GLDC: variants seen among roughly 807,000 people sequenced by gnomAD.
GLDC encodes glycine dehydrogenase (decarboxylating), mitochondrial.
Under a neutral mutation model 121.3 loss-of-function variants are expected in GLDC, and 104 were observed. The ratio of observed to expected loss-of-function variants is 0.86; its 90% CI spans 0.73 to 1.01. The LOEUF is 1.01. Ranked by LOEUF, GLDC falls within the 50% of genes least tolerant of loss-of-function variation. The pLI is 0.00. For synonymous variants in GLDC, 546 were observed against 480.6 expected, an observed-to-expected ratio of 1.14 and a Z score of -1.78; for missense variants, 1,429 against 1,306.6, an observed-to-expected ratio of 1.09 and a Z score of -1.44.
intron 2 of GLDC, among the ~76,000 whole-genome samples, chr9:6,621,638 C>T (rs1819096253): frequency 6.6e-6 from 1 of 152,136 alleles, no homozygotes; most frequent in South Asian, 2.1e-4. Flanking sequence ...CTGCCTCAGC[C>T]TCCTGAGTAG....
chr9:6,589,099 C>A, intron 12 of GLDC, 96 bp downstream of exon 12: 1 of 818,572 alleles, frequency 1.2e-6, no homozygotes, highest in Admixed American at 1.7e-5. Context: ...CCAGAATAAC[C>A]AGGCCACAGC....
At chr9:6,628,008 G>A (rs1341168490) in intron 2 of GLDC, among the ~76,000 whole-genome samples, 1 of 152,144 alleles carries the variant, frequency 6.6e-6, no homozygotes, top group African/African-American at 2.4e-5. Flanking sequence ...AAGGAGAGAA[G>A]ACAGAAAAGT....
intron 2 of GLDC, among the ~76,000 whole-genome samples, chr9:6,643,150 G>C (rs1819662238): frequency 6.6e-6 from 1 of 151,906 alleles, no homozygotes; most frequent in Non-Finnish European, 1.5e-5. Context: ...CACCTGCCTA[G>C]ACCTCCCAAA....
At position 6,620,192 on chromosome 9, in the gene GLDC, G is replaced by A. The variant is rs1328107891; in HGVS notation, c.462C>T (p.Asn154=). Residue 154 remains asparagine (N), a synonymous_variant, in exon 3 of 25, where the codon AAC becomes AAT. Coordinates refer to ENST00000321612, the MANE Select transcript of GLDC (RefSeq NM_000170.3). Reference sequence around the variant, plus strand: ...ACTGAGAAATACATTACCATCCTGAGTTCTCCAGTAAGTTCCGCAAAATCG... The same window carrying A: ...ACTGAGAAATACATTACCATCCTGAATTCTCCAGTAAGTTCCGCAAAATCG... ...PQTILRNLLE[N]SGWITQYTPY... is the part of the protein sequence containing the mutation. The A allele has an allele frequency of 6.2e-7, 1 of 1,612,670 alleles. No homozygotes were observed. The highest frequency in any genetic ancestry group is 8.5e-7 in the Non-Finnish European group (1 of 1,179,778).
chr9:6,643,921 C>T (rs1819679488), intron 2 of GLDC, among the ~76,000 whole-genome samples: 2 of 146,448 alleles, frequency 1.4e-5, no homozygotes, highest in African/African-American at 5.1e-5. Flanking sequence ...GTAATCCCAG[C>T]TAGTCAAGAG....
Position 6,540,097 on chromosome 9 carries a change from A to G in GLDC, c.2619T>C (p.Ser873=). The G allele has an allele frequency of 6.2e-7, 1 of 1,613,782 alleles. No individual in the cohort carries two copies. The highest frequency in any genetic ancestry group is 8.5e-7 in the Non-Finnish European group (1 of 1,179,660). Residue 873 remains serine (S), a synonymous_variant, in exon 22 of 25, where the codon TCT becomes TCC. Transcript: ENST00000321612. The stretch of plus-strand genomic sequence containing the variant: ...CCACATCCACAGCCTCAATATTTGC[A>G]GACTTTTTGAAGGGTCTCGTGTCCA... ...FILDTRPFKK[S]ANIEAVDVAK... is the part of the protein sequence containing the mutation.
rs1473355761 is a variant in GLDC, at chr9:6,610,359, G to A, written c.471-3C>T. Reference sequence around the variant, plus strand: ...GGTATGGAGTATACTGGGTGATCCTGCAAGGGAAACAAAAGGTCTTGTCCA... The same window carrying A: ...GGTATGGAGTATACTGGGTGATCCTACAAGGGAAACAAAAGGTCTTGTCCA... On this transcript the variant is annotated splice_polypyrimidine_tract_variant and splice_region_variant and intron_variant, in intron 3 of 24. Transcript: ENST00000321612. 2 of 1,613,840 alleles carry A rather than the reference G, an allele frequency of 1.2e-6. No individual in the cohort carries two copies. The highest frequency in any genetic ancestry group is 1.1e-5 in the South Asian group (1 of 91,044).
intron 2 of GLDC, chr9:6,622,805 C>T (rs1587974863): frequency 1.7e-5 from 4 of 229,970 alleles, no homozygotes; most frequent in South Asian, 1.4e-4. Flanking sequence ...AGGAGCGCCT[C>T]TTCCGGGCCG....
chr9:6,539,157 ATAT>A (rs1181267183), intron 22 of GLDC, among the ~76,000 whole-genome samples: 5 of 152,092 alleles, frequency 3.3e-5, no homozygotes, highest in Non-Finnish European at 7.3e-5. Context: ...AAGATCCTTG[ATAT>A]TATTATCATT....
chr9:6,574,908 A>G (rs1311027517), intron 15 of GLDC, among the ~76,000 whole-genome samples: 1 of 152,258 alleles, frequency 6.6e-6, no homozygotes, highest in Non-Finnish European at 1.5e-5. Context: ...CCCTCCCTGC[A>G]CTAAATTATT....
intron 16 of GLDC, among the ~76,000 whole-genome samples, chr9:6,563,454 C>T (rs946152415): frequency 6.6e-6 from 1 of 152,186 alleles, no homozygotes; most frequent in African/African-American, 2.4e-5. Flanking sequence ...CCAGCATCCC[C>T]AGGCTCCTGG....
At chr9:6,557,171 C>T (rs1383944686) in intron 17 of GLDC, among the ~76,000 whole-genome samples, 2 of 151,922 alleles carry the variant, frequency 1.3e-5, no homozygotes, top group African/African-American at 2.4e-5. Flanking sequence ...AACGTTCCCT[C>T]AACACAAAGA....
At chr9:6,559,725 G>T (rs1817711972) in intron 16 of GLDC, among the ~76,000 whole-genome samples, 2 of 151,354 alleles carry the variant, frequency 1.3e-5, no homozygotes, top group East Asian at 1.9e-4. Flanking sequence ...TGAGACAGAA[G>T]ATTCGCTTGA....
At position 6,589,203 on chromosome 9, in the gene GLDC, C is replaced by T. The variant is rs373679781; in HGVS notation, c.1572G>A (p.Val524=). The change falls in exon 12 of 25, where the codon GTG becomes GTA. Residue 524 remains valine (V), a synonymous_variant. Transcript: ENST00000321612. ...KRTSPFLTHQ[V]FNSYHSETNI... ...ACACAAGACACACAAACCTGTTGAACACTTGATGGGTGAGGAACGGGCTGG... is the reference window on the plus strand; with the variant it reads ...ACACAAGACACACAAACCTGTTGAATACTTGATGGGTGAGGAACGGGCTGG... 3 of 1,589,166 alleles carry T rather than the reference C, an allele frequency of 1.9e-6. No individual in the cohort carries two copies. Among genetic ancestry groups the T allele is most frequent in the Non-Finnish European group, 2.6e-6 (3 of 1,157,400 alleles).
In GLDC at chr9:6,604,672, C is replaced by G; in HGVS notation, c.974G>C (p.Gly325Ala). The change falls in exon 7 of 25, where the codon GGC (glycine) becomes GCC (alanine). Residue 325 changes from glycine to alanine, a missense_variant. By Grantham distance (60) the Gly-to-Ala change is moderately conservative. Transcript: ENST00000321612. ...AAATGCTGCATGGGGTCCCCCATAG[C>G]CCAGTGGCACTCCAAATCTCTGGGA... ...GSSQRFGVPLGYGGPHAAFFA... is the reference protein window; with the variant it reads ...GSSQRFGVPLAYGGPHAAFFA... The G allele has an allele frequency of 6.2e-7, 1 of 1,614,100 alleles. No individual in the cohort carries two copies. The highest frequency in any genetic ancestry group is 1.1e-5 in the South Asian group (1 of 91,074).
chr9:6,610,380 G>C (rs1237543144), intron 3 of GLDC, 24 bp from the exon 4 acceptor site: 1 of 1,612,716 alleles, frequency 6.2e-7, no homozygotes, highest in East Asian at 2.2e-5. Context: ...AAAAGGTCTT[G>C]TCCAAACTGA....
At chr9:6,546,752 AG>A (rs1401105455) in intron 21 of GLDC, among the ~76,000 whole-genome samples, 1 of 151,872 alleles carries the variant, frequency 6.6e-6, no homozygotes, top group Non-Finnish European at 1.5e-5. Flanking sequence ...ACCTGAGGTC[AG>A]GAGTTTGAGA....
At chr9:6,622,566 T>G (rs981154869) in intron 2 of GLDC, among the ~76,000 whole-genome samples, 24 of 152,002 alleles carry the variant, frequency 1.6e-4, no homozygotes, top group African/African-American at 3.1e-4. Context: ...CAGGCTGGAG[T>G]GCAGTGGCGT....
At chr9:6,607,896 G>A (rs1048118478) in intron 4 of GLDC, among the ~76,000 whole-genome samples, 4 of 151,986 alleles carry the variant, frequency 2.6e-5, no homozygotes, top group African/African-American at 9.7e-5. Flanking sequence ...GCTGAGGTGG[G>A]TGGATTGCTC....
Sources: gnomAD v4.1 joint callset for allele counts (sites outside exome capture counted in the v4.1 genomes callset) on GRCh38, gnomAD v4.1.1 for gene constraint, MANE v1.5 for transcripts, NCBI Gene and HGNC (gene_info 2026-07-23, HGNC 2026-07-21) for gene names.